Variants in KIAA0930 observed in about 807,000 individuals in gnomAD.
The protein encoded by KIAA0930 is KIAA0930.
In KIAA0930, 24 loss-of-function variants were observed where a neutral mutation model predicts 43.9. That is an observed-to-expected ratio of 0.55 (90% CI 0.40 to 0.77). KIAA0930 has a LOEUF of 0.77. Among genes scored for constraint, KIAA0930 ranks in the 30% least tolerant of loss-of-function variants. The pLI, the probability that KIAA0930 is intolerant of heterozygous loss-of-function variation, is 0.00. For missense variants in KIAA0930, 461 were observed against 574.2 expected (o/e 0.80, Z 2.02); for synonymous variants, 259 against 216.4 (o/e 1.20, Z -1.73).
chr22:45,196,518 G>A lies in KIAA0930; in HGVS notation c.*658C>T, dbSNP rs200576815. 6.5e-6 allele frequency: 1 copy of A among 152,752 alleles called. No individual in the cohort carries two copies. Among genetic ancestry groups the A allele is most frequent in the Non-Finnish European group, 1.5e-5 (1 of 68,136 alleles). The allele number at this position is 152,752 out of a possible 1,614,324, so 9.5% of individuals were successfully genotyped here. On this transcript the variant is annotated 3_prime_UTR_variant, in exon 10 of 10. Transcript: ENST00000336156. This position sits in a 1 kb window ranked among gnomAD's most constrained non-coding sequence, Gnocchi z 4.1. ...GGTGTGCGTGTTGGCGGTGTTCTTT[G>A]GCTGGAAGCAAAAGGCCGTTCTGGC...
intron 1 of KIAA0930, among the ~76,000 whole-genome samples, chr22:45,235,637 C>T (rs34980158): frequency 0.39 from 59,411 of 152,108 alleles, 12,992 homozygotes; most frequent in South Asian, 0.5. Context: ...GCAGGCACTG[C>T]GCCAGGTGCT....
chr22:45,235,715 T>C, intron 1 of KIAA0930, among the ~76,000 whole-genome samples: 1 of 152,368 alleles, frequency 6.6e-6, no homozygotes, highest in East Asian at 1.9e-4. Context: ...GTGCTGAGCC[T>C]GTACCTGCCA....
In KIAA0930 at chr22:45,203,168, C is replaced by T. The variant is rs1170857197; in HGVS notation, c.674G>A (p.Arg225His). Residue 225 changes from arginine to histidine, a missense_variant, in exon 7 of 10, where the codon CGC (arginine) becomes CAC (histidine). Transcript: ENST00000336156. ...VYDNRVSVAA[R>H]MAQKMSFGFY... is the part of the protein sequence containing the mutation. ...GCCAAACGACATCTTCTGTGCCATG[C>T]GGGCGGCCACGCTCACCTGGGGGCC... 2.5e-6 allele frequency: 4 copies of T among 1,604,036 alleles called. No individual in the cohort carries two copies. The highest frequency in any genetic ancestry group is 2.2e-5 in the East Asian group (1 of 44,636).
chr22:45,203,325 G>T, intron 6 of KIAA0930, 141 bp from the exon 7 acceptor site: 1 of 833,368 alleles, frequency 1.2e-6, no homozygotes, highest in Non-Finnish European at 1.8e-6. Context: ...CTGGCAGGCG[G>T]GGCAGCTGGA....
At chr22:45,230,035 G>A (rs1569084597) in intron 1 of KIAA0930, among the ~76,000 whole-genome samples, 1 of 152,226 alleles carries the variant, frequency 6.6e-6, no homozygotes, top group Non-Finnish European at 1.5e-5. Flanking sequence ...GGCGGAGGGC[G>A]CAGTGAGCCG....
At chr22:45,225,178 C>T (rs1264803348) in intron 1 of KIAA0930, among the ~76,000 whole-genome samples, 1 of 152,056 alleles carries the variant, frequency 6.6e-6, no homozygotes, top group Non-Finnish European at 1.5e-5. Flanking sequence ...CTTCTGTGGC[C>T]CCTCAATAGG....
At chr22:45,201,431 G>A (rs1401188454) in intron 7 of KIAA0930, among the ~76,000 whole-genome samples, 1 of 152,194 alleles carries the variant, frequency 6.6e-6, no homozygotes, top group Non-Finnish European at 1.5e-5. Context: ...GAAAACCAAG[G>A]CTCAGGCAGG....
intron 5 of KIAA0930, among the ~76,000 whole-genome samples, chr22:45,204,814 C>T (rs2083621379): frequency 6.6e-6 from 1 of 152,080 alleles, no homozygotes; most frequent in Non-Finnish European, 1.5e-5. Flanking sequence ...AAACCCCATC[C>T]CTCTTTGACA....
chr22:45,206,997 C>G (rs1285240637), intron 2 of KIAA0930, among the ~76,000 whole-genome samples: 1 of 151,648 alleles, frequency 6.6e-6, no homozygotes, highest in African/African-American at 2.4e-5. Flanking sequence ...CCGTGCCCGG[C>G]CTCAATTTAT....
chr22:45,236,475 C>T (rs1468013814), intron 1 of KIAA0930, among the ~76,000 whole-genome samples: 1 of 152,058 alleles, frequency 6.6e-6, no homozygotes, highest in Non-Finnish European at 1.5e-5. Flanking sequence ...CTACGCTGTC[C>T]ACAAACCCCT....
intron 7 of KIAA0930, chr22:45,202,645 G>A (rs2083599026): frequency 1.9e-5 from 4 of 208,252 alleles, no homozygotes; most frequent in Non-Finnish European, 3.8e-5. Context: ...TCCCCAGCCA[G>A]TCTCTTCTGC....
intron 7 of KIAA0930, chr22:45,202,734 G>T: frequency 2.4e-6 from 1 of 422,900 alleles, no homozygotes; most frequent in East Asian, 4.1e-5. Flanking sequence ...ACCAGCCTGC[G>T]GTGTGACCTT....
chr22:45,204,998 A>G (rs2083623072), intron 5 of KIAA0930, among the ~76,000 whole-genome samples: 1 of 152,108 alleles, frequency 6.6e-6, no homozygotes, highest in African/African-American at 2.4e-5. Flanking sequence ...TGATCATGAC[A>G]CTGATTTTAC....
intron 1 of KIAA0930, among the ~76,000 whole-genome samples, chr22:45,227,760 C>T (rs925286050): frequency 1.9e-4 from 29 of 152,208 alleles, no homozygotes; most frequent in African/African-American, 6.8e-4. Context: ...GGATCCTGGA[C>T]GCAGAGCCTT....
chr22:45,232,491 A>G (rs1037465365), intron 1 of KIAA0930, among the ~76,000 whole-genome samples: 2 of 152,202 alleles, frequency 1.3e-5, no homozygotes, highest in African/African-American at 2.4e-5. Context: ...TCAGGCAGCC[A>G]GCCCTCCTGA....
chr22:45,223,787 G>A (rs891354516), intron 1 of KIAA0930, among the ~76,000 whole-genome samples: 6 of 150,244 alleles, frequency 4.0e-5, no homozygotes, highest in Non-Finnish European at 8.8e-5. Flanking sequence ...AAGCACCCAG[G>A]GTCAGCACTG....
Position 45,194,212 on chromosome 22 carries a change from T to C in KIAA0930, c.*2964A>G. The C allele has an allele frequency of 6.6e-6, 1 of 152,020 alleles. No individual in the cohort carries two copies. The highest frequency in any genetic ancestry group is 1.5e-5 in the Non-Finnish European group (1 of 68,004). 9.4% of individuals were successfully genotyped at this position (152,020 alleles called of 1,614,324 possible). On this transcript the variant is annotated 3_prime_UTR_variant, in exon 10 of 10. Coordinates refer to ENST00000336156, the MANE Select transcript of KIAA0930 (RefSeq NM_001009880.2). ...TCCTCAGCCTTCCGAGTAGCTGGGA[T>C]TACAGGTGCCTGCCACCATGTCCAG...
chr22:45,210,985 T>C (rs1444344610), intron 2 of KIAA0930, among the ~76,000 whole-genome samples: 4 of 152,140 alleles, frequency 2.6e-5, no homozygotes, highest in Admixed American at 2.6e-4. Flanking sequence ...CTCTGGCCAG[T>C]TGTTCATGGT....
intron 2 of KIAA0930, among the ~76,000 whole-genome samples, chr22:45,208,711 G>T (rs742015): frequency 6.6e-6 from 1 of 152,246 alleles, no homozygotes; most frequent in Non-Finnish European, 1.5e-5. Context: ...CTGTGTACAC[G>T]TCTGTGTTTT....
Sources: gnomAD v4.1 joint callset for allele counts (sites outside exome capture counted in the v4.1 genomes callset) on GRCh38, gnomAD v4.1.1 for gene constraint, Gnocchi (gnomAD v3.1) non-coding constraint, MANE v1.5 for transcripts, NCBI Gene and HGNC (gene_info 2026-07-23, HGNC 2026-07-21) for gene names.